MRPL58: variants seen among roughly 807,000 people sequenced by gnomAD.
MRPL58 encodes mitochondrial ribosomal protein L58.
MRPL58 carries 17 observed loss-of-function variants against 26.0 expected under a neutral mutation model. The observed-to-expected ratio is 0.65, with a 90% CI of 0.45 to 0.98. MRPL58 has a LOEUF of 0.98. MRPL58 is among the 50% of genes least tolerant of loss of function. MRPL58 has a pLI of 0.00. For synonymous variants in MRPL58, 100 were observed against 99.7 expected (o/e 1.00, Z -0.02); for missense variants, 250 against 269.0 (o/e 0.93, Z 0.49).
chr17:75,012,948 G>A (rs2039943394), intron 1 of MRPL58, 76 bp downstream of exon 1: 2 of 1,361,954 alleles, frequency 1.5e-6, no homozygotes, highest in Admixed American at 4.5e-5. Flanking sequence ...AGGCCCATTG[G>A]CCGGATGTGG....
At chr17:75,015,463 G>A (rs948061845) in intron 1 of MRPL58, among the ~76,000 whole-genome samples, 4 of 152,184 alleles carry the variant, frequency 2.6e-5, no homozygotes, top group Non-Finnish European at 2.9e-5. Context: ...CAACCTGGGC[G>A]ACAACCTTAA....
intron 5 of MRPL58, 72 bp from the exon 6 acceptor site, chr17:75,020,849 C>A: frequency 5.2e-6 from 7 of 1,355,580 alleles, no homozygotes; most frequent in Non-Finnish European, 7.4e-6. Flanking sequence ...CCGTTGAGCT[C>A]CCAACTCCTC....
chr17:75,013,694 C>T (rs539952206), intron 1 of MRPL58, among the ~76,000 whole-genome samples: 1 of 152,240 alleles, frequency 6.6e-6, no homozygotes, highest in East Asian at 1.9e-4. Context: ...ATTTGAATAA[C>T]GACCTGGAAG....
At chr17:75,020,807 G>A in intron 5 of MRPL58, 114 bp from the exon 6 acceptor site, 2 of 1,173,748 alleles carry the variant, frequency 1.7e-6, no homozygotes, top group South Asian at 2.6e-5. Flanking sequence ...AGGCCTGCGG[G>A]CTAGTGCCTG....
In MRPL58 at chr17:75,020,664, G is replaced by C. The variant is rs753242477; in HGVS notation, c.536+7G>C. 2 of 1,613,688 alleles carry C rather than the reference G, an allele frequency of 1.2e-6. No individual in the cohort carries two copies. The highest frequency in any genetic ancestry group is 2.2e-5 in the East Asian group (1 of 44,874). On this transcript the variant is annotated splice_region_variant and intron_variant, in intron 5 of 5. Transcript: ENST00000301585. ...TTAAACTTCATAGAATCAGGTACCA[G>C]GAAATGCCCTAAGATGCTATAAACT...
intron 2 of MRPL58, 142 bp from the exon 3 acceptor site, chr17:75,019,558 C>A: frequency 2.8e-6 from 2 of 721,872 alleles, no homozygotes; most frequent in Non-Finnish European, 4.9e-6. Context: ...CGTGGTGCCA[C>A]AGTTCCTTGC....
At chr17:75,020,806 G>A (rs1342397845) in intron 5 of MRPL58, 115 bp from the exon 6 acceptor site, 13 of 1,187,698 alleles carry the variant, frequency 1.1e-5, no homozygotes, top group Non-Finnish European at 1.6e-5. Flanking sequence ...GAGGCCTGCG[G>A]GCTAGTGCCT....
intron 1 of MRPL58, among the ~76,000 whole-genome samples, chr17:75,013,310 T>C (rs1216742018): frequency 6.6e-6 from 1 of 152,150 alleles, no homozygotes; most frequent in Admixed American, 6.5e-5. Flanking sequence ...TCAGGATGCA[T>C]TTATTTAGCC....
chr17:75,012,938 A>G, intron 1 of MRPL58, 66 bp downstream of exon 1: 1 of 1,432,684 alleles, frequency 7.0e-7, no homozygotes, highest in Non-Finnish European at 9.6e-7. Context: ...TAGGAACCCC[A>G]GGCCCATTGG....
At chr17:75,013,017 A>C in intron 1 of MRPL58, 145 bp downstream of exon 1, 1 of 729,484 alleles carries the variant, frequency 1.4e-6, no homozygotes. Context: ...GTCTGCGCTA[A>C]CCTGGCCGGG....
intron 2 of MRPL58, among the ~76,000 whole-genome samples, chr17:75,017,330 T>G (rs1167953201): frequency 6.6e-6 from 1 of 151,810 alleles, no homozygotes; most frequent in Non-Finnish European, 1.5e-5. Context: ...TCATGCCTGT[T>G]GGCCGGGCAT....
chr17:75,017,653 CAGA>C (rs1252419021), intron 2 of MRPL58, among the ~76,000 whole-genome samples: 1 of 152,110 alleles, frequency 6.6e-6, no homozygotes, highest in Non-Finnish European at 1.5e-5. Context: ...GAGGCTGAGG[CAGA>C]AGAATTGCTT....
chr17:75,019,195 T>G (rs2039996890), intron 2 of MRPL58, among the ~76,000 whole-genome samples: 1 of 151,192 alleles, frequency 6.6e-6, no homozygotes, highest in Non-Finnish European at 1.5e-5. Context: ...GCAGAAAGCC[T>G]CCTATCTCAT....
At chr17:75,016,817 T>A (rs2039977603) in intron 1 of MRPL58, among the ~76,000 whole-genome samples, 1 of 152,184 alleles carries the variant, frequency 6.6e-6, no homozygotes, top group Admixed American at 6.5e-5. Flanking sequence ...AGGCCTCTGA[T>A]GGTGCCTGAC....
chr17:75,014,554 G>T (rs2039959944), intron 1 of MRPL58, among the ~76,000 whole-genome samples: 1 of 145,954 alleles, frequency 6.9e-6, no homozygotes, highest in Non-Finnish European at 1.5e-5. Flanking sequence ...AGTGATTCTT[G>T]TGCCTCAGCC....
chr17:75,017,625 G>A (rs971712019), intron 2 of MRPL58, among the ~76,000 whole-genome samples: 1 of 152,180 alleles, frequency 6.6e-6, no homozygotes, highest in Non-Finnish European at 1.5e-5. Context: ...GCGAGGGCCT[G>A]TAATCCCAGC....
Position 75,012,696 on chromosome 17 carries a change from A to G in MRPL58, c.10A>G (p.Thr4Ala), listed in dbSNP as rs201411401. 30 of 1,553,958 alleles carry G rather than the reference A, an allele frequency of 1.9e-5. No homozygotes were observed. The Admixed American group carries it at 2.7e-4, about 14-fold the overall frequency. The change falls in exon 1 of 6, where the codon ACC becomes GCC. Residue 4 changes from threonine to alanine, a missense_variant. Thr to Ala is a moderately conservative substitution (Grantham distance 58). Coordinates refer to ENST00000301585, the MANE Select transcript of MRPL58 (RefSeq NM_001545.3). ...GTCGCAAGACCTGAGCATGGCGGCC[A>G]CCAGGTGCCTGCGCTGGGGCCTGAG... The part of the protein sequence containing the change: MAA[T>A]RCLRWGLSRA...
At chr17:75,020,891 T>C (rs779967816) in intron 5 of MRPL58, 30 bp from the exon 6 acceptor site, 9 of 1,561,008 alleles carry the variant, frequency 5.8e-6, no homozygotes, top group African/African-American at 1.4e-5. Flanking sequence ...ATTGGGCATC[T>C]GGGGCTAATT....
In MRPL58 at chr17:75,018,080, C is replaced by T. The variant is rs529679297; in HGVS notation, c.223+966C>T. ...GCAAATAAATGATGGTGTGGCCAGT[C>T]GCATCGTACTGTGCCGTGTGCCACG... is the stretch of plus-strand genomic sequence containing the variant. On this transcript the variant is annotated intron_variant, in intron 2 of 5. Coordinates refer to ENST00000301585, the MANE Select transcript of MRPL58 (RefSeq NM_001545.3). Among the ~76,000 whole-genome samples, 4 of 152,208 alleles carry T rather than the reference C, an allele frequency of 2.6e-5. No individual in the cohort carries two copies. In the South Asian group the frequency reaches 6.2e-4, roughly 24 times the overall value.
Sources: allele counts gnomAD v4.1 joint callset (sites outside exome capture counted in the v4.1 genomes callset), GRCh38; gene constraint gnomAD v4.1.1; transcripts MANE v1.5; gene names NCBI Gene and HGNC (gene_info 2026-07-23, HGNC 2026-07-21).